KCND2: variants seen among roughly 807,000 people sequenced by gnomAD.
The protein encoded by KCND2 is potassium voltage-gated channel subfamily D member 2.
Under a neutral mutation model 54.4 loss-of-function variants are expected in KCND2, and 16 were observed. That is an observed-to-expected ratio of 0.29 (90% confidence interval 0.20 to 0.45). The LOEUF (loss-of-function observed/expected upper bound fraction) is 0.45, where lower values mean the gene tolerates loss of function less well. Among genes scored for constraint, KCND2 ranks in the 20% least tolerant of loss-of-function variants. The pLI is 1.00. For missense variants in KCND2, 486 were observed against 824.2 expected, an observed-to-expected ratio of 0.59 and a Z score of 5.02; for synonymous variants, 317 against 310.7, an observed-to-expected ratio of 1.02 and a Z score of -0.21.
At position 120,367,887 on chromosome 7, in the gene KCND2, G is replaced by T. The variant is rs191799274; in HGVS notation, c.1115+92140G>T. Among the ~76,000 whole-genome samples, 123 of 152,162 alleles carry T rather than the reference G, an allele frequency of 8.1e-4. 2 individuals are homozygous for T. The East Asian group carries it at 0.021, about 26-fold the overall frequency. On this transcript the variant is annotated intron_variant, in intron 1 of 5. Coordinates refer to ENST00000331113, the MANE Select transcript of KCND2 (RefSeq NM_012281.3). Reference sequence around the variant, plus strand: ...TTGTCCTATCAAGGTGACTAGGGAAGGACTGCATTCTTCCTGACAAATATC... The same window carrying T: ...TTGTCCTATCAAGGTGACTAGGGAATGACTGCATTCTTCCTGACAAATATC...
At chr7:120,745,082 G>T (rs776424793) in intron 4 of KCND2, among the ~76,000 whole-genome samples, 36 of 152,118 alleles carry the variant, frequency 2.4e-4, no homozygotes, top group Non-Finnish European at 4.7e-4. Context: ...CATGAGTACA[G>T]CCAGTGATGC....
At chr7:120,332,277 GAATCATTTTAA>G (rs1330334346) in intron 1 of KCND2, among the ~76,000 whole-genome samples, 2 of 151,904 alleles carry the variant, frequency 1.3e-5, no homozygotes, top group Non-Finnish European at 2.9e-5. Flanking sequence ...TACACTTTTG[GAATCATTTTAA>G]AATGTTCATA....
chr7:120,423,735 G>C (rs1801660829), intron 1 of KCND2, among the ~76,000 whole-genome samples: 1 of 152,188 alleles, frequency 6.6e-6, no homozygotes, highest in South Asian at 2.1e-4. Flanking sequence ...ACTGGCTCTT[G>C]TAGCAGAATG....
chr7:120,631,908 T>C (rs1427308195), intron 1 of KCND2, among the ~76,000 whole-genome samples: 2 of 152,148 alleles, frequency 1.3e-5, no homozygotes, highest in African/African-American at 4.8e-5. Context: ...ATACCCTATG[T>C]GGTAAGCATT....
At chr7:120,504,226 A>G (rs1306332345) in intron 1 of KCND2, among the ~76,000 whole-genome samples, 1 of 151,962 alleles carries the variant, frequency 6.6e-6, no homozygotes. Context: ...CCAAAGTGGT[A>G]TTACTATGTC....
At chr7:120,370,788 C>A (rs767725683) in intron 1 of KCND2, among the ~76,000 whole-genome samples, 10 of 151,958 alleles carry the variant, frequency 6.6e-5, no homozygotes, top group Admixed American at 1.3e-4. Context: ...CTGTACTGTT[C>A]ATATTTTGAA....
At chr7:120,733,387 G>A (rs1421903927) in intron 2 of KCND2, among the ~76,000 whole-genome samples, 2 of 152,064 alleles carry the variant, frequency 1.3e-5, no homozygotes, top group South Asian at 2.1e-4. Flanking sequence ...TCCTGGAAGT[G>A]GTTTGAGTCA....
intron 1 of KCND2, among the ~76,000 whole-genome samples, chr7:120,553,681 A>C (rs1479812561): frequency 1.3e-5 from 2 of 152,170 alleles, no homozygotes; most frequent in Admixed American, 6.5e-5. Flanking sequence ...ATCTGTTGAG[A>C]TGATTGTAGG....
intron 1 of KCND2, among the ~76,000 whole-genome samples, chr7:120,399,288 C>A (rs1801205239): frequency 6.6e-6 from 1 of 151,764 alleles, no homozygotes; most frequent in South Asian, 2.1e-4. Context: ...TATATCGTCT[C>A]CCTGACAACA....
At chr7:120,675,855 CTT>C (rs58226731) in intron 1 of KCND2, among the ~76,000 whole-genome samples, 34,186 of 120,256 alleles carry the variant, frequency 0.28, 3,493 homozygotes, top group African/African-American at 0.4. Flanking sequence ...TCTTTCTATT[CTT>C]TTTTTTTTTT....
chr7:120,587,470 G>A (rs917777953), intron 1 of KCND2, among the ~76,000 whole-genome samples: 6 of 152,126 alleles, frequency 3.9e-5, no homozygotes, highest in Non-Finnish European at 8.8e-5. Context: ...TGATCAGTCA[G>A]AATGGTTTAT....
At chr7:120,492,609 A>T (rs2116302869) in intron 1 of KCND2, among the ~76,000 whole-genome samples, 1 of 152,144 alleles carries the variant, frequency 6.6e-6, no homozygotes, top group African/African-American at 2.4e-5. Context: ...GTGTCCTGAA[A>T]CGCAAAGCAG....
intron 1 of KCND2, among the ~76,000 whole-genome samples, chr7:120,435,268 G>A (rs1801850380): frequency 7.2e-6 from 1 of 139,312 alleles, no homozygotes; most frequent in African/African-American, 3.0e-5. Flanking sequence ...CACCATGCCT[G>A]GCTTTTTTTT....
intron 1 of KCND2, among the ~76,000 whole-genome samples, chr7:120,479,051 A>G (rs911820700): frequency 5.9e-5 from 9 of 152,192 alleles, no homozygotes; most frequent in African/African-American, 2.2e-4. Flanking sequence ...AACAATTGAA[A>G]TAAATGTATT....
At chr7:120,304,080 C>CGAGAA (rs1470210628) in intron 1 of KCND2, among the ~76,000 whole-genome samples, 2 of 152,052 alleles carry the variant, frequency 1.3e-5, no homozygotes, top group Non-Finnish European at 2.9e-5. Context: ...CAGCAATGAA[C>CGAGAA]GAGAATGCCT....
At chr7:120,564,026 G>A (rs1425013378) in intron 1 of KCND2, among the ~76,000 whole-genome samples, 1 of 151,756 alleles carries the variant, frequency 6.6e-6, no homozygotes, top group Non-Finnish European at 1.5e-5. Flanking sequence ...TATACCAGCA[G>A]AAGAATAAAC....
intron 1 of KCND2, among the ~76,000 whole-genome samples, chr7:120,437,989 C>T (rs1438601485): frequency 1.3e-5 from 2 of 152,122 alleles, no homozygotes; most frequent in African/African-American, 4.8e-5. Flanking sequence ...GGTTGCAGTA[C>T]ATGATGAAGG....
intron 1 of KCND2, among the ~76,000 whole-genome samples, chr7:120,465,867 G>A (rs1159166507): frequency 6.6e-6 from 1 of 152,168 alleles, no homozygotes; most frequent in Non-Finnish European, 1.5e-5. Context: ...AGAGTAATGG[G>A]AAGTAAAGAG....
chr7:120,294,415 C>A (rs755919888), intron 1 of KCND2, among the ~76,000 whole-genome samples: 4 of 151,700 alleles, frequency 2.6e-5, no homozygotes, highest in Non-Finnish European at 5.9e-5. Context: ...TGTTAAATGG[C>A]TAAACACTAT....
Sources: allele counts gnomAD v4.1 joint callset (sites outside exome capture counted in the v4.1 genomes callset), GRCh38; gene constraint gnomAD v4.1.1; transcripts MANE v1.5; gene names NCBI Gene and HGNC (gene_info 2026-07-23, HGNC 2026-07-21).